CTNNA2: variants seen among roughly 807,000 people sequenced by gnomAD.
CTNNA2 encodes catenin alpha 2.
Under a neutral mutation model 101.0 loss-of-function variants are expected in CTNNA2, and 42 were observed. The observed-to-expected ratio is 0.42, with a 90% CI of 0.32 to 0.54. The LOEUF (loss-of-function observed/expected upper bound fraction) is 0.54, where lower values mean the gene tolerates loss of function less well. CTNNA2 is among the 20% of genes least tolerant of loss of function. The probability of loss-of-function intolerance (pLI) is 0.14; values close to 1 mark genes in which losing one functional copy is unlikely to be tolerated. For missense variants in CTNNA2, 871 were observed against 1,223.1 expected (o/e 0.71, Z 4.29); for synonymous variants, 450 against 456.4 (o/e 0.99, Z 0.18).
At chr2:79,218,682 A>G (rs1458083153) in intron 2 of CTNNA2, among the ~76,000 whole-genome samples, 1 of 152,144 alleles carries the variant, frequency 6.6e-6, no homozygotes, top group Non-Finnish European at 1.5e-5. Flanking sequence ...ATCAGAGACC[A>G]CCATCGCAGG....
chr2:79,866,957 T>C (rs533064922), intron 4 of CTNNA2, among the ~76,000 whole-genome samples: 1 of 152,300 alleles, frequency 6.6e-6, no homozygotes, highest in Admixed American at 6.5e-5. Context: ...AATGACATCG[T>C]TGGGGTTCAA....
chr2:79,572,619 G>A lies in CTNNA2; in HGVS notation c.-6+59412G>A, dbSNP rs540788628. ...ATACAAAAATTAGCCATGCGTGGTG[G>A]CCCACGCCTGTAGTCCCAGCTATTC... On this transcript the variant is annotated intron_variant, in intron 1 of 18. Transcript: ENST00000402739. Among the ~76,000 whole-genome samples the A allele has an allele frequency of 2.0e-5, 3 of 152,244 alleles. No individual in the cohort carries two copies. In the South Asian group the frequency reaches 6.2e-4, roughly 32 times the overall value.
intron 9 of CTNNA2, among the ~76,000 whole-genome samples, chr2:80,464,919 CAGAG>C (rs1167654343): frequency 6.6e-6 from 1 of 152,178 alleles, no homozygotes; most frequent in East Asian, 1.9e-4. Context: ...ATTCTGGTTC[CAGAG>C]TCTTTGCTCT....
intron 7 of CTNNA2, among the ~76,000 whole-genome samples, chr2:80,100,621 C>T (rs1452047902): frequency 6.6e-6 from 1 of 152,182 alleles, no homozygotes; most frequent in Non-Finnish European, 1.5e-5. Flanking sequence ...GCATGCAGGT[C>T]TTCTCTCTCC....
intron 7 of CTNNA2, among the ~76,000 whole-genome samples, chr2:80,210,180 C>T (rs979653290): frequency 1.3e-5 from 2 of 152,126 alleles, no homozygotes; most frequent in Non-Finnish European, 2.9e-5. Context: ...CAAATTAAAG[C>T]CATCCTATTA....
At chr2:79,975,961 A>G (rs900845080) in intron 7 of CTNNA2, among the ~76,000 whole-genome samples, 3 of 152,148 alleles carry the variant, frequency 2.0e-5, no homozygotes, top group African/African-American at 7.2e-5. Context: ...CCCTACCAGG[A>G]AGTTGGGGGT....
rs144033407 is a variant in CTNNA2, at chr2:80,276,535, G to A, written c.1057-116676G>A. 1.4e-4 allele frequency among the ~76,000 whole-genome samples: 22 copies of A among 152,222 alleles called. 1 individual carries two copies. In the East Asian group the frequency reaches 4.3e-3, roughly 30 times the overall value. Reference sequence around the variant, plus strand: ...TATGATTCTGCAGACTCTATAAGAAGCATGGTGCCAGCACCTGCTTCTGAT... The same window carrying A: ...TATGATTCTGCAGACTCTATAAGAAACATGGTGCCAGCACCTGCTTCTGAT... On this transcript the variant is annotated intron_variant, in intron 7 of 18. Coordinates refer to ENST00000402739, the MANE Select transcript of CTNNA2 (RefSeq NM_001282597.3).
chr2:79,371,875 G>A (rs941397285), intron 3 of CTNNA2, among the ~76,000 whole-genome samples: 1 of 152,156 alleles, frequency 6.6e-6, no homozygotes, highest in African/African-American at 2.4e-5. Context: ...CTAGGGAATA[G>A]GGAGGTTGCT....
chr2:79,625,247 T>A (rs1679233767), intron 1 of CTNNA2, among the ~76,000 whole-genome samples: 1 of 152,158 alleles, frequency 6.6e-6, no homozygotes, highest in Non-Finnish European at 1.5e-5. Context: ...GGAACACATT[T>A]TATAATGTGA....
chr2:80,596,025 C>T (rs1696918947), intron 15 of CTNNA2, among the ~76,000 whole-genome samples: 1 of 151,994 alleles, frequency 6.6e-6, no homozygotes. Context: ...TGTTTGTGTC[C>T]TCTCTTATTT....
rs368008960 is a variant in CTNNA2 at position 79,319,431 on chromosome 2, T to C, written c.-318+6635T>C. On this transcript the variant is annotated intron_variant, in intron 3 of 21. Transcript: ENST00000466387. ...ATATTGCCATATTTCTTCACCTTTC[T>C]TTTCAGTCTCATTCTGAAGACCTTA... Among the ~76,000 whole-genome samples, 8 of 152,334 alleles carry C rather than the reference T, an allele frequency of 5.3e-5. No individual in the cohort carries two copies. In the East Asian group the frequency reaches 1.4e-3, roughly 26 times the overall value.
Position 79,436,218 on chromosome 2 carries a change from A to G in CTNNA2, c.-135+62205A>G, listed in dbSNP as rs181605141. On this transcript the variant is annotated intron_variant, in intron 4 of 21. Transcript: ENST00000466387. ...TGAAATGGTAGAACTTGGAGATGTCATCAGGAAGCCTTAGTGGATCATCAA... is the reference window on the plus strand; with the variant it reads ...TGAAATGGTAGAACTTGGAGATGTCGTCAGGAAGCCTTAGTGGATCATCAA... Among the ~76,000 whole-genome samples, 9 of 152,324 alleles carry G rather than the reference A, an allele frequency of 5.9e-5. No individual in the cohort carries two copies. In the East Asian group the frequency reaches 1.5e-3, roughly 26 times the overall value.
At chr2:80,038,112 C>T (rs962396559) in intron 7 of CTNNA2, among the ~76,000 whole-genome samples, 1 of 151,982 alleles carries the variant, frequency 6.6e-6, no homozygotes, top group Non-Finnish European at 1.5e-5. Context: ...TTAAAAATTT[C>T]ATTTTGCACT....
At chr2:79,368,106 G>A (rs142303246) in intron 3 of CTNNA2, among the ~76,000 whole-genome samples, 1 of 152,242 alleles carries the variant, frequency 6.6e-6, no homozygotes, top group Non-Finnish European at 1.5e-5. Flanking sequence ...CCTACCTGTG[G>A]ACATAGAAGA....
chr2:79,833,039 C>T lies in CTNNA2; in HGVS notation c.299-24974C>T, dbSNP rs1274746844. 1.3e-5 allele frequency among the ~76,000 whole-genome samples: 2 copies of T among 152,126 alleles called. 1 individual carries two copies. The highest frequency in any genetic ancestry group is 4.1e-4 in the South Asian group (2 of 4,836). ...GTAAATTTGTAAACATAGTGATATA[C>T]GTATAAATTAGGAGGCTCACCAAAT... On this transcript the variant is annotated intron_variant, in intron 3 of 18. Transcript: ENST00000402739.
intron 4 of CTNNA2, among the ~76,000 whole-genome samples, chr2:79,416,257 C>CTTTTT (rs66830925): frequency 0.023 from 2,110 of 92,192 alleles, no homozygotes; most frequent in Non-Finnish European, 0.031. Flanking sequence ...CTTTCCTTTT[C>CTTTTT]TTTTTTTTTT....
At chr2:80,279,697 A>G (rs1275947612) in intron 7 of CTNNA2, among the ~76,000 whole-genome samples, 3 of 152,114 alleles carry the variant, frequency 2.0e-5, no homozygotes, top group Admixed American at 1.3e-4. Context: ...AGGACTTTTC[A>G]TGATCCCTGC....
intron 1 of CTNNA2, among the ~76,000 whole-genome samples, chr2:79,584,564 G>T (rs2861853): frequency 6.9e-6 from 1 of 145,626 alleles, no homozygotes; most frequent in Non-Finnish European, 1.5e-5. Context: ...TGCTCTTGTC[G>T]CCCAGGCTGG....
At chr2:79,293,169 A>G (rs1675872303) in intron 2 of CTNNA2, 1 of 152,130 alleles carries the variant, frequency 6.6e-6, no homozygotes, top group Admixed American at 6.5e-5. Context: ...CTTTTTTAAG[A>G]CATCTATTTG....
Sources: allele counts gnomAD v4.1 joint callset (sites outside exome capture counted in the v4.1 genomes callset), GRCh38; gene constraint gnomAD v4.1.1; transcripts MANE v1.5; gene names NCBI Gene and HGNC (gene_info 2026-07-23, HGNC 2026-07-21).